The following UGT1A4 variants were observed in gnomAD, a reference collection of about 807,000 sequenced individuals.
UGT1A4 encodes the protein UDP-glucuronosyltransferase 1A4.
UGT1A4 carries 32 observed loss-of-function variants against 41.1 expected under a neutral mutation model. The observed-to-expected ratio is 0.78, with a 90% CI of 0.59 to 1.05. The LOEUF is 1.05. Among genes scored for constraint, UGT1A4 ranks in the 50% least tolerant of loss-of-function variants. UGT1A4 has a pLI of 0.00. For synonymous variants in UGT1A4, 283 were observed against 265.1 expected (o/e 1.07, Z -0.66); for missense variants, 748 against 677.4 (o/e 1.10, Z -1.16).
At position 233,725,264 on chromosome 2, in the gene UGT1A4, G is replaced by GGCAGAGGCA. The variant is rs1216362118; in HGVS notation, c.867+5578_867+5579insCAGAGGCAG. The stretch of plus-strand genomic sequence containing the variant: ...CAGAGGCAGAGGAGGCAGAGGCAGA[G>GGCAGAGGCA]GAGGCAGAGGCAGAGGCAGAGGCAG... On this transcript the variant is annotated intron_variant, in intron 1 of 4. Transcript: ENST00000373409. Among the ~76,000 whole-genome samples, 37 of 58,530 alleles carry GGCAGAGGCA rather than the reference G, an allele frequency of 6.3e-4. 2 individuals are homozygous for GGCAGAGGCA. Among genetic ancestry groups the GGCAGAGGCA allele is most frequent in the African/African-American group, 3.7e-3 (28 of 7,620 alleles). The allele number at this position is 58,530 out of a possible 152,430, so 38.4% of individuals were successfully genotyped here. A position where few individuals can be genotyped will look rare whatever the true frequency, so the allele number is the denominator to read the frequency against.
chr2:233,729,675 G>A, intron 1 of UGT1A4: 1 of 1,613,858 alleles, frequency 6.2e-7, no homozygotes, highest in Non-Finnish European at 8.5e-7. Flanking sequence ...TAGACTTTAA[G>A]GGCACACAGT....
chr2:233,718,803 T>G lies in UGT1A4; in HGVS notation c.-18T>G. 6.2e-7 allele frequency: 1 copy of G among 1,613,256 alleles called. No homozygotes were observed. The highest frequency in any genetic ancestry group is 8.5e-7 in the Non-Finnish European group (1 of 1,179,992). On this transcript the variant is annotated 5_prime_UTR_variant, in exon 1 of 5. Coordinates refer to ENST00000373409, the MANE Select transcript of UGT1A4 (RefSeq NM_007120.3). Reference sequence around the variant, plus strand: ...ACAGCGTGGGGTGGACAGTCAGCTGTCGGTGGCTTCTGCTGAGATGGCCAG... The same window carrying G: ...ACAGCGTGGGGTGGACAGTCAGCTGGCGGTGGCTTCTGCTGAGATGGCCAG...
intron 1 of UGT1A4, among the ~76,000 whole-genome samples, chr2:233,731,288 T>TC (rs1363892538): frequency 6.6e-6 from 1 of 151,914 alleles, no homozygotes; most frequent in Non-Finnish European, 1.5e-5. Context: ...TTCTTTCTTT[T>TC]TTTTTTTTTT....
chr2:233,720,860 T>C (rs2076898580), intron 1 of UGT1A4, among the ~76,000 whole-genome samples: 2 of 148,966 alleles, frequency 1.3e-5, no homozygotes, highest in African/African-American at 5.0e-5. Flanking sequence ...CATGTGCCAC[T>C]GCTCCTGGCA....
intron 1 of UGT1A4, chr2:233,755,187 A>G: frequency 1.6e-5 from 19 of 1,182,426 alleles, no homozygotes; most frequent in Non-Finnish European, 2.1e-5. Flanking sequence ...GTGCCACTTG[A>G]GCGCCAGCTT....
Position 233,768,400 on chromosome 2 carries a change from A to T in UGT1A4, c.1268A>T (p.Asp423Val). The change falls in exon 4 of 5, where the codon GAT becomes GTT. Residue 423 changes from aspartate (D) to valine (V), a missense_variant. Transcript: ENST00000373409. ...TLNVLEMTSE[D>V]LENALKAVIN... ...AATGTTCTGGAAATGACTTCTGAAG[A>T]TTTAGAAAATGCTCTAAAAGCAGTC... The T allele has an allele frequency of 6.2e-7, 1 of 1,614,204 alleles. No homozygotes were observed. The highest frequency in any genetic ancestry group is 8.5e-7 in the Non-Finnish European group (1 of 1,180,040).
chr2:233,732,384 C>T (rs1031988593), intron 1 of UGT1A4, among the ~76,000 whole-genome samples: 4 of 152,258 alleles, frequency 2.6e-5, no homozygotes, highest in Middle Eastern at 3.4e-3. Flanking sequence ...GTCTTCTAGG[C>T]CATGCCTATG....
rs28900404 is a variant in UGT1A4, at chr2:233,769,354, G to A, written c.1307+915G>A. ...TTATTAGAACCTTATGGGAAGAAGT[G>A]GTGGCCAGTGGTAGATTTCATCCGA... On this transcript the variant is annotated intron_variant, in intron 4 of 4. Transcript: ENST00000373409. This position sits in a 1 kb window ranked among gnomAD's most constrained non-coding sequence, Gnocchi z 4.4. Among the ~76,000 whole-genome samples the A allele has an allele frequency of 7.2e-4, 110 of 152,348 alleles. No individual in the cohort carries two copies. The highest frequency in any genetic ancestry group is 2.6e-3 in the African/African-American group (108 of 41,580).
intron 1 of UGT1A4, chr2:233,743,248 A>G (rs1692247141): frequency 2.3e-6 from 1 of 432,126 alleles, no homozygotes; most frequent in Non-Finnish European, 4.4e-6. Flanking sequence ...ACTTTAACTC[A>G]ACTCTCCATC....
chr2:233,759,589 C>A (rs1019080455), intron 1 of UGT1A4, among the ~76,000 whole-genome samples: 1 of 147,434 alleles, frequency 6.8e-6, no homozygotes, highest in African/African-American at 2.5e-5. Context: ...CAGCACGCCC[C>A]CCACCCCCGA....
intron 1 of UGT1A4, among the ~76,000 whole-genome samples, chr2:233,735,882 G>T (rs1173866401): frequency 6.6e-6 from 1 of 152,160 alleles, no homozygotes; most frequent in Admixed American, 6.5e-5. Flanking sequence ...GAGATCTGCT[G>T]TTAGTCTGAT....
chr2:233,735,108 G>T (rs1171222877), intron 1 of UGT1A4, among the ~76,000 whole-genome samples: 1 of 152,182 alleles, frequency 6.6e-6, no homozygotes, highest in Non-Finnish European at 1.5e-5. Flanking sequence ...AATATCGACA[G>T]TGGGATGTTA....
intron 1 of UGT1A4, chr2:233,747,346 G>C (rs1006096980): frequency 6.2e-7 from 1 of 1,603,162 alleles, no homozygotes; most frequent in East Asian, 2.2e-5. Context: ...GCTCGCATGC[G>C]GGAGGCCGTG....
chr2:233,736,925 G>A lies in UGT1A4; in HGVS notation c.867+17238G>A, dbSNP rs188632907. Among the ~76,000 whole-genome samples, 72 of 152,232 alleles carry A rather than the reference G, an allele frequency of 4.7e-4. 1 individual carries two copies. The Middle Eastern group carries it at 0.014, about 29-fold the overall frequency. On this transcript the variant is annotated intron_variant, in intron 1 of 4. Coordinates refer to ENST00000373409, the MANE Select transcript of UGT1A4 (RefSeq NM_007120.3). ...CCTCTGGAAGCTTCATACCAGAGGC[G>A]CACCCACCTATATGAGGTGTCTGTT...
chr2:233,744,437 G>A (rs1405958246), intron 1 of UGT1A4, among the ~76,000 whole-genome samples: 1 of 151,860 alleles, frequency 6.6e-6, no homozygotes, highest in Non-Finnish European at 1.5e-5. Context: ...TCTATCATAC[G>A]TACTGCATTA....
chr2:233,734,315 C>T (rs1041289451), intron 1 of UGT1A4, among the ~76,000 whole-genome samples: 4 of 151,932 alleles, frequency 2.6e-5, no homozygotes, highest in African/African-American at 4.8e-5. Flanking sequence ...TTTGTGTAGA[C>T]GTATTTATAG....
intron 1 of UGT1A4, among the ~76,000 whole-genome samples, chr2:233,722,551 G>C (rs1195630832): frequency 6.6e-6 from 1 of 152,024 alleles, no homozygotes; most frequent in Non-Finnish European, 1.5e-5. Context: ...AGTTTCTTTT[G>C]GTTGATTTGT....
At chr2:233,721,843 C>A (rs2076975309) in intron 1 of UGT1A4, 2 of 515,272 alleles carry the variant, frequency 3.9e-6, no homozygotes, top group Non-Finnish European at 3.9e-6. Context: ...ACCTTGTGTC[C>A]AGCCCCACTG....
At chr2:233,744,867 G>T (rs1318227544) in intron 1 of UGT1A4, among the ~76,000 whole-genome samples, 4 of 151,860 alleles carry the variant, frequency 2.6e-5, no homozygotes, top group African/African-American at 7.3e-5. Flanking sequence ...ATTCTGAAGG[G>T]ATTAGTTTAG....
Sources: allele counts gnomAD v4.1 joint callset (sites outside exome capture counted in the v4.1 genomes callset), GRCh38; gene constraint gnomAD v4.1.1; non-coding constraint Gnocchi (gnomAD v3.1); transcripts MANE v1.5; gene names NCBI Gene and HGNC (gene_info 2026-07-23, HGNC 2026-07-21).